Variants in RANBP2 observed in about 807,000 individuals in gnomAD.
RANBP2 encodes E3 SUMO-protein ligase RanBP2.
In RANBP2, 57 loss-of-function variants were observed where a neutral mutation model predicts 303.6. That is an observed-to-expected ratio of 0.19 (90% CI 0.15 to 0.23). The LOEUF is 0.23. Among genes scored for constraint, RANBP2 ranks in the 10% least tolerant of loss-of-function variants. RANBP2 has a pLI of 1.00. For synonymous variants in RANBP2, 1,167 were observed against 1,301.5 expected, an observed-to-expected ratio of 0.90 and a Z score of 2.23; for missense variants, 3,138 against 3,780.8, an observed-to-expected ratio of 0.83 and a Z score of 4.46.
chr2:109,657,960 T>G, the RANBP2 span, among the ~76,000 whole-genome samples: 1 of 151,692 alleles, frequency 6.6e-6, no homozygotes, highest in African/African-American at 2.4e-5. Flanking sequence ...CTTCAAGTGA[T>G]CTGCCTGCCT....
chr2:109,076,670 A>C, the RANBP2 span, among the ~76,000 whole-genome samples: 1 of 150,680 alleles, frequency 6.6e-6, no homozygotes, highest in Admixed American at 6.6e-5. Context: ...ATATTTAGAA[A>C]TAAATTTAAC....
the RANBP2 span, among the ~76,000 whole-genome samples, chr2:109,670,930 G>A: frequency 6.6e-6 from 1 of 152,072 alleles, no homozygotes; most frequent in Non-Finnish European, 1.5e-5. Context: ...CCTGTGGCTT[G>A]GGGAGCTGGG....
chr2:109,273,386 G>C, the RANBP2 span, among the ~76,000 whole-genome samples: 3 of 152,218 alleles, frequency 2.0e-5, no homozygotes, highest in African/African-American at 4.8e-5. Context: ...CATGGATGAG[G>C]GGGGAGGCAG....
chr2:109,446,651 G>A, the RANBP2 span, among the ~76,000 whole-genome samples: 1 of 152,184 alleles, frequency 6.6e-6, no homozygotes, highest in Non-Finnish European at 1.5e-5. Context: ...AGGGGTGCTG[G>A]CACTGTGCCT....
rs1677228486 is a variant in RANBP2, at chr2:108,767,955, A to G, written c.7416A>G (p.Leu2472=). ...GTGGCAAAATTGCTGTAGCTGTATTAGAAGAAACCACAAGAGAGAGGACAG... is the reference window on the plus strand; with the variant it reads ...GTGGCAAAATTGCTGTAGCTGTATTGGAAGAAACCACAAGAGAGAGGACAG... ...SPCGKIAVAV[L]EETTRERTDV... is the part of the protein sequence containing the mutation. The change falls in exon 20 of 29, where the codon TTA becomes TTG. Residue 2472 remains leucine, a synonymous_variant. Coordinates refer to ENST00000283195, the MANE Select transcript of RANBP2 (RefSeq NM_006267.5). 6.2e-7 allele frequency: 1 copy of G among 1,611,978 alleles called. No individual in the cohort carries two copies. The highest frequency in any genetic ancestry group is 8.5e-7 in the Non-Finnish European group (1 of 1,179,848).
At chr2:109,342,284 A>C in the RANBP2 span, among the ~76,000 whole-genome samples, 1 of 152,202 alleles carries the variant, frequency 6.6e-6, no homozygotes, top group Admixed American at 6.5e-5. Context: ...ATTTTGGGAA[A>C]AATAATGGGC....
intron 17 of RANBP2, 87 bp from the exon 18 acceptor site, chr2:108,758,326 A>G: frequency 2.6e-6 from 4 of 1,558,948 alleles, no homozygotes; most frequent in East Asian, 4.7e-5. Context: ...AGTTATTTAA[A>G]TTTAAAAGAG....
chr2:109,717,839 G>A, the RANBP2 span, among the ~76,000 whole-genome samples: 2 of 151,422 alleles, frequency 1.3e-5, no homozygotes, highest in East Asian at 1.9e-4. Flanking sequence ...GCTTGAACCC[G>A]GGAGGCAGAG....
At chr2:109,283,171 T>TC in the RANBP2 span, among the ~76,000 whole-genome samples, 2 of 152,136 alleles carry the variant, frequency 1.3e-5, no homozygotes, top group East Asian at 3.9e-4. Context: ...CCTGTGATAG[T>TC]CCCAGAGGTG....
At chr2:109,306,035 C>T in the RANBP2 span, among the ~76,000 whole-genome samples, 56 of 152,324 alleles carry the variant, frequency 3.7e-4, no homozygotes, top group South Asian at 0.011. Flanking sequence ...GATTCGCTGC[C>T]TTCTGCTGGG....
chr2:109,024,731 G>A, the RANBP2 span, among the ~76,000 whole-genome samples: 3 of 152,192 alleles, frequency 2.0e-5, no homozygotes, highest in Non-Finnish European at 2.9e-5. Flanking sequence ...CCTAGTCTTG[G>A]ACGTGTGCAC....
At chr2:109,540,019 A>T in the RANBP2 span, among the ~76,000 whole-genome samples, 1 of 152,068 alleles carries the variant, frequency 6.6e-6, no homozygotes, top group East Asian at 2.0e-4. Flanking sequence ...ATGTGTCTTC[A>T]TTCCTCTTGA....
the RANBP2 span, among the ~76,000 whole-genome samples, chr2:109,222,810 A>C: frequency 6.6e-6 from 1 of 152,278 alleles, no homozygotes; most frequent in African/African-American, 2.4e-5. Context: ...AACAAAACAC[A>C]GGAAATAAAG....
At chr2:109,460,431 C>A in the RANBP2 span, among the ~76,000 whole-genome samples, 1 of 152,100 alleles carries the variant, frequency 6.6e-6, no homozygotes, top group Non-Finnish European at 1.5e-5. Flanking sequence ...CAGTGGTAGT[C>A]GTAGCCAGGT....
At chr2:109,322,801 G>A in the RANBP2 span, among the ~76,000 whole-genome samples, 949 of 152,276 alleles carry the variant, frequency 6.2e-3, 10 homozygotes, top group African/African-American at 0.022. Context: ...CAGAAATCAG[G>A]CTTCTGGTGC....
intron 12 of RANBP2, among the ~76,000 whole-genome samples, chr2:108,752,542 G>A (rs1675969910): frequency 1.3e-5 from 2 of 150,702 alleles, no homozygotes; most frequent in Middle Eastern, 3.4e-3. Flanking sequence ...GGAGGCCGAG[G>A]CGGGCAGATC....
chr2:109,409,276 C>T, the RANBP2 span, among the ~76,000 whole-genome samples: 4 of 152,144 alleles, frequency 2.6e-5, no homozygotes. Flanking sequence ...TCATAGACAC[C>T]TAGAGCAGGG....
At chr2:109,095,567 G>A in the RANBP2 span, among the ~76,000 whole-genome samples, 1 of 152,166 alleles carries the variant, frequency 6.6e-6, no homozygotes, top group East Asian at 1.9e-4. Flanking sequence ...TTGAGCAACG[G>A]TTGAGCAAGT....
the RANBP2 span, among the ~76,000 whole-genome samples, chr2:109,421,993 G>A: frequency 1.3e-5 from 2 of 152,210 alleles, no homozygotes; most frequent in Non-Finnish European, 2.9e-5. Flanking sequence ...GACCTCATCA[G>A]TTTATGAGGA....
Sources: gnomAD v4.1 joint callset for allele counts (sites outside exome capture counted in the v4.1 genomes callset) on GRCh38, gnomAD v4.1.1 for gene constraint, MANE v1.5 for transcripts, NCBI Gene and HGNC (gene_info 2026-07-23, HGNC 2026-07-21) for gene names.